Variants in FANCM observed in about 807,000 individuals in gnomAD.
The protein encoded by FANCM is Fanconi anemia group M protein.
Under a neutral mutation model 199.5 loss-of-function variants are expected in FANCM, and 140 were observed. The ratio of observed to expected loss-of-function variants is 0.70; its 90% CI spans 0.61 to 0.81. The LOEUF is 0.81. Among genes scored for constraint, FANCM ranks in the 30% least tolerant of loss-of-function variants. The pLI is 0.00. For synonymous variants in FANCM, 840 were observed against 836.8 expected, an observed-to-expected ratio of 1.00 and a Z score of -0.07; for missense variants, 2,410 against 2,421.4, an observed-to-expected ratio of 1.00 and a Z score of 0.10.
chr14:45,165,961 A>G (rs1042957508), intron 10 of FANCM, among the ~76,000 whole-genome samples: 1 of 152,210 alleles, frequency 6.6e-6, no homozygotes, highest in African/African-American at 2.4e-5. Context: ...AGAAAAACGA[A>G]CAAACTGAAA....
Position 45,155,391 on chromosome 14 carries a change from T to G in FANCM, c.1328T>G (p.Phe443Cys), listed in dbSNP as rs549724218. The G allele has an allele frequency of 9.2e-6, 13 of 1,412,344 alleles. No individual in the cohort carries two copies. The African/African-American group carries it at 1.6e-4, about 17-fold the overall frequency. 87.5% of individuals were successfully genotyped at this position (1,412,344 alleles called of 1,614,324 possible). A position where few individuals can be genotyped will look rare whatever the true frequency, so the allele number is the denominator to read the frequency against. ...GTTCCAGGAGATAAAAATAAAAAAT[T>G]TGTTTATAGTCATCCAAAGTTAAAG... The part of the protein sequence containing the change: ...AIQQGDKNKK[F>C]VYSHPKLKKL... Residue 443 changes from phenylalanine (F) to cysteine (C), a missense_variant, in exon 8 of 23, where the codon TTT (phenylalanine) becomes TGT (cysteine). By Grantham distance (205) the Phe-to-Cys change is radical. Coordinates refer to ENST00000267430, the MANE Select transcript of FANCM (RefSeq NM_020937.4).
chr14:45,150,894 C>T (rs1490202000), intron 4 of FANCM, among the ~76,000 whole-genome samples: 1 of 152,066 alleles, frequency 6.6e-6, no homozygotes, highest in Non-Finnish European at 1.5e-5. Flanking sequence ...TAGAACAGTG[C>T]CTGTTACATA....
intron 21 of FANCM, 76 bp from the exon 22 acceptor site, chr14:45,198,568 A>ACTT: frequency 1.1e-6 from 1 of 904,550 alleles, no homozygotes; most frequent in Non-Finnish European, 1.6e-6. Context: ...TGGGATTTTA[A>ACTT]TAAAATAAAG....
intron 16 of FANCM, among the ~76,000 whole-genome samples, chr14:45,182,738 T>TA (rs1889148240): frequency 6.6e-6 from 1 of 152,204 alleles, no homozygotes; most frequent in Non-Finnish European, 1.5e-5. Flanking sequence ...CTTCTCAACT[T>TA]ACAATAGAGT....
rs1179463112 is a variant in FANCM, at chr14:45,175,095, G to A, written c.2341G>A (p.Val781Ile). The change falls in exon 14 of 23, where the codon GTT becomes ATT. Residue 781 changes from valine (V) to isoleucine (I), a missense_variant. By Grantham distance (29) the Val-to-Ile change is conservative. Transcript: ENST00000267430. ...EEGECSYELE[V>I]ESYLQMEDVT... ...GGGAGAATGCAGCTATGAATTGGAAGTTGAATCTTATTTACAAATGGAAGA... is the reference window on the plus strand; with the variant it reads ...GGGAGAATGCAGCTATGAATTGGAAATTGAATCTTATTTACAAATGGAAGA... The A allele has an allele frequency of 6.2e-7, 1 of 1,610,740 alleles. No homozygotes were observed. Among genetic ancestry groups the A allele is most frequent in the Non-Finnish European group, 8.5e-7 (1 of 1,177,732 alleles).
In FANCM at chr14:45,167,145, A is replaced by G. The variant is rs1175276940; in HGVS notation, c.1984A>G (p.Ile662Val). Reference sequence around the variant, plus strand: ...TCGGAACTTGCAGCGAAAGTCATCTATCTTTTCCTATAGGGATGGTAAATA... The same window carrying G: ...TCGGAACTTGCAGCGAAAGTCATCTGTCTTTTCCTATAGGGATGGTAAATA... Reference protein sequence around the residue: ...PSRNLQRKSSIFSYRDGMRQS... With the variant: ...PSRNLQRKSSVFSYRDGMRQS... Residue 662 changes from isoleucine to valine, a missense_variant, in exon 11 of 23, where the codon ATC becomes GTC. By Grantham distance (29) the Ile-to-Val change is conservative. Transcript: ENST00000267430. 3 of 1,608,612 alleles carry G rather than the reference A, an allele frequency of 1.9e-6. No individual in the cohort carries two copies. Among genetic ancestry groups the G allele is most frequent in the South Asian group, 1.1e-5 (1 of 90,998 alleles).
Position 45,181,504 on chromosome 14 carries a change from A to T in FANCM, c.4297A>T (p.Asn1433Tyr), listed in dbSNP as rs538958390. ...FRRKVKRAKG[N>Y]VLNSPEDQKN... The stretch of plus-strand genomic sequence containing the variant: ...AAGAAAAGTTAAAAGAGCAAAAGGA[A>T]ATGTTTTAAACTCTCCTGAGGTGAG... Residue 1433 changes from asparagine to tyrosine, a missense_variant, in exon 15 of 23, where the codon AAT becomes TAT. Coordinates refer to ENST00000267430, the MANE Select transcript of FANCM (RefSeq NM_020937.4). The T allele has an allele frequency of 6.2e-7, 1 of 1,605,658 alleles. No individual in the cohort carries two copies. The highest frequency in any genetic ancestry group is 2.2e-5 in the East Asian group (1 of 44,706).
Position 45,155,412 on chromosome 14 carries a change from T to C in FANCM, c.1349T>C (p.Leu450Ser). 1 of 1,482,142 alleles carries C rather than the reference T, an allele frequency of 6.7e-7. No individual in the cohort carries two copies. The highest frequency in any genetic ancestry group is 9.4e-7 in the Non-Finnish European group (1 of 1,061,508). 91.8% of individuals were successfully genotyped at this position (1,482,142 alleles called of 1,614,324 possible). A position where few individuals can be genotyped will look rare whatever the true frequency, so the allele number is the denominator to read the frequency against. Residue 450 changes from leucine to serine, a missense_variant, in exon 8 of 23, where the codon TTA becomes TCA. By Grantham distance (145) the Leu-to-Ser change is moderately radical. Transcript: ENST00000267430. ...AAATTTGTTTATAGTCATCCAAAGTTAAAGAAATTAGAAGAAGTTGTAATT... is the reference window on the plus strand; with the variant it reads ...AAATTTGTTTATAGTCATCCAAAGTCAAAGAAATTAGAAGAAGTTGTAATT... ...NKKFVYSHPK[L>S]KKLEEVVIEH...
At position 45,176,338 on chromosome 14, in the gene FANCM, C is replaced by A. The variant is rs1888695422; in HGVS notation, c.3584C>A (p.Thr1195Asn). Residue 1195 changes from threonine (T) to asparagine (N), a missense_variant, in exon 14 of 23, where the codon ACC becomes AAC. Physicochemically the swap from Thr to Asn is moderately conservative, Grantham distance 65. Transcript: ENST00000267430. ...AATTCTGAACTCCAAGATCAAATCA[C>A]CCGTGATGCTAATAGTTTTAAATCT... ...DNNSELQDQI[T>N]RDANSFKSRD... 1 of 1,613,638 alleles carries A rather than the reference C, an allele frequency of 6.2e-7. No individual in the cohort carries two copies. The highest frequency in any genetic ancestry group is 1.7e-5 in the Admixed American group (1 of 59,992).
In FANCM at chr14:45,145,115, T is replaced by C. The variant is rs1886268887; in HGVS notation, c.760-3722T>C. ...GTTTCCTTCTGGCCCAGGGTACGTC[T>C]AGAAAAGTTGTCAGGGAGCTAGGGT... On this transcript the variant is annotated intron_variant, in intron 3 of 22. Transcript: ENST00000267430. 2.6e-5 allele frequency among the ~76,000 whole-genome samples: 4 copies of C among 151,850 alleles called. No homozygotes were observed. In the South Asian group the frequency reaches 8.3e-4, roughly 32 times the overall value.
chr14:45,142,851 C>T (rs1028288665), intron 3 of FANCM, among the ~76,000 whole-genome samples: 1 of 151,956 alleles, frequency 6.6e-6, no homozygotes, highest in Non-Finnish European at 1.5e-5. Flanking sequence ...AAGATGATGT[C>T]TTCTTGGTTT....
At chr14:45,164,246 G>A (rs951542077) in intron 9 of FANCM, 113 bp from the exon 10 acceptor site, 1 of 888,514 alleles carries the variant, frequency 1.1e-6, no homozygotes, top group Non-Finnish European at 1.8e-6. Context: ...CCAGCCTTGA[G>A]GCTGATTTTT....
intron 14 of FANCM, among the ~76,000 whole-genome samples, chr14:45,179,496 A>C (rs1228646254): frequency 1.3e-5 from 2 of 151,740 alleles, no homozygotes; most frequent in East Asian, 3.9e-4. Flanking sequence ...GCAAAAAGCA[A>C]CATTTTGTCT....
chr14:45,148,972 G>A lies in FANCM; in HGVS notation c.895G>A (p.Ala299Thr), dbSNP rs375574924. The stretch of plus-strand genomic sequence containing the variant: ...TGTTCCGCTTGGTGAAGAACTTGCA[G>A]CCATCCAAAAGACCTATATCCAGGT... ...LIVPLGEELA[A>T]IQKTYIQILE... Residue 299 changes from alanine (A) to threonine (T), a missense_variant, in exon 4 of 23, where the codon GCC becomes ACC. Physicochemically the swap from Ala to Thr is moderately conservative, Grantham distance 58. Transcript: ENST00000267430. 2 of 1,613,748 alleles carry A rather than the reference G, an allele frequency of 1.2e-6. No homozygotes were observed.
intron 12 of FANCM, among the ~76,000 whole-genome samples, chr14:45,171,321 A>T (rs1888325619): frequency 6.6e-6 from 1 of 151,860 alleles, no homozygotes; most frequent in Non-Finnish European, 1.5e-5. Context: ...CATCCTTGTA[A>T]ACCATTTTTT....
chr14:45,138,408 CT>C (rs1479566172), intron 2 of FANCM, among the ~76,000 whole-genome samples: 2 of 151,956 alleles, frequency 1.3e-5, no homozygotes, highest in African/African-American at 2.4e-5. Context: ...TAATTGTCAT[CT>C]TTTTTAATAA....
intron 11 of FANCM, among the ~76,000 whole-genome samples, chr14:45,170,079 C>G (rs553339795): frequency 6.6e-6 from 1 of 152,232 alleles, no homozygotes; most frequent in East Asian, 1.9e-4. Flanking sequence ...CATGCCAGGT[C>G]TTAGGCAACC....
intron 13 of FANCM, 68 bp from the exon 14 acceptor site, chr14:45,175,003 C>G: frequency 1.1e-6 from 1 of 881,422 alleles, no homozygotes; most frequent in Middle Eastern, 3.0e-4. Context: ...AGTGAAACTC[C>G]TCTCTTAGAT....
chr14:45,184,570 G>C (rs1306361552), intron 17 of FANCM, among the ~76,000 whole-genome samples: 1 of 148,534 alleles, frequency 6.7e-6, no homozygotes, highest in African/African-American at 2.5e-5. Context: ...GCTGAGGCAG[G>C]AAAATCTCTT....
Sources: allele counts gnomAD v4.1 joint callset (sites outside exome capture counted in the v4.1 genomes callset), GRCh38; gene constraint gnomAD v4.1.1; transcripts MANE v1.5; gene names NCBI Gene and HGNC (gene_info 2026-07-23, HGNC 2026-07-21).